Variants in MAST3 observed in about 807,000 individuals in gnomAD.
The protein encoded by MAST3 is microtubule-associated serine/threonine-protein kinase 3.
MAST3 carries 43 observed loss-of-function variants against 127.0 expected under a neutral mutation model. The ratio of observed to expected loss-of-function variants is 0.34; its 90% confidence interval spans 0.27 to 0.44. The LOEUF is 0.44. Ranked by LOEUF, MAST3 falls within the 20% of genes least tolerant of loss-of-function variation. The pLI is 1.00. For missense variants in MAST3, 1,390 were observed against 1,919.1 expected, an observed-to-expected ratio of 0.72 and a Z score of 5.15; for synonymous variants, 785 against 809.2, an observed-to-expected ratio of 0.97 and a Z score of 0.51.
At chr19:18,103,212 C>A (rs145513003) in intron 1 of MAST3, among the ~76,000 whole-genome samples, 1 of 151,934 alleles carries the variant, frequency 6.6e-6, no homozygotes, top group Non-Finnish European at 1.5e-5. Context: ...AGGGAGCTGC[C>A]GATTTTGCCT....
chr19:18,128,769 G>A, intron 12 of MAST3, 97 bp from the exon 13 acceptor site: 1 of 932,624 alleles, frequency 1.1e-6, no homozygotes, highest in South Asian at 1.3e-5. Context: ...GGAGGAGGTA[G>A]CATCGGGCAC....
chr19:18,107,229 C>T (rs2038150578), intron 1 of MAST3, among the ~76,000 whole-genome samples: 1 of 152,094 alleles, frequency 6.6e-6, no homozygotes, highest in Non-Finnish European at 1.5e-5. Context: ...TCCCAAAGTA[C>T]TGAGATCACA....
chr19:18,123,301 C>T lies in MAST3; in HGVS notation c.484C>T (p.Arg162Cys), dbSNP rs765332712. 16 of 1,613,768 alleles carry T rather than the reference C, an allele frequency of 9.9e-6. No individual in the cohort carries two copies. Among genetic ancestry groups the T allele is most frequent in the African/African-American group, 2.7e-5 (2 of 74,920 alleles). The change falls in exon 7 of 28, where the codon CGC becomes TGC. Residue 162 changes from arginine (R) to cysteine (C), a missense_variant. By Grantham distance (180) the Arg-to-Cys change is radical (BLOSUM62 -3). Around this residue, in one of 5 missense-constraint regions of MAST3, gnomAD observed 277 missense variants for 384.8 expected, o/e 0.72. Transcript: ENST00000687212. ...GCTGCACTTCCTGTCCAAGCACTTC[C>T]GCAGCTCAGAGAATGTGCTTGATGA... ...DELHFLSKHF[R>C]SSENVLDEEG... is the part of the protein sequence containing the mutation.
chr19:18,124,852 T>C, intron 11 of MAST3, 78 bp downstream of exon 11: 1 of 1,477,928 alleles, frequency 6.8e-7, no homozygotes, highest in Non-Finnish European at 9.0e-7. Context: ...ACACCTTTAA[T>C]ACCAGCACTT....
At chr19:18,131,390 C>G (rs567451178) in intron 14 of MAST3, among the ~76,000 whole-genome samples, 1 of 95,082 alleles carries the variant, frequency 1.1e-5, no homozygotes, top group East Asian at 2.5e-4. Context: ...GACTCTGTCT[C>G]AAAAAAATAA....
rs772484481 is a variant in MAST3 at position 18,144,445 on chromosome 19, C to T, written c.2585-21C>T. 2 of 1,541,944 alleles carry T rather than the reference C, an allele frequency of 1.3e-6. No individual in the cohort carries two copies. The highest frequency in any genetic ancestry group is 2.4e-5 in the South Asian group (2 of 84,430). On this transcript the variant is annotated intron_variant, in intron 22 of 27. Coordinates refer to ENST00000687212, the MANE Select transcript of MAST3 (RefSeq NM_001393504.1). This position sits in a 1 kb window ranked among gnomAD's most constrained non-coding sequence, Gnocchi z 4.0. Reference sequence around the variant, plus strand: ...CATGGTGAGTTTGAGGGGCACCCAGCTGACCCTGCTGACCCTCTAGCCGAC... The same window carrying T: ...CATGGTGAGTTTGAGGGGCACCCAGTTGACCCTGCTGACCCTCTAGCCGAC...
rs1297352765 is a variant in MAST3, at chr19:18,149,540, C to T, written c.3858C>T (p.Leu1286=). 5 of 1,564,992 alleles carry T rather than the reference C, an allele frequency of 3.2e-6. No individual in the cohort carries two copies. Among genetic ancestry groups the T allele is most frequent in the African/African-American group, 1.4e-5 (1 of 73,616 alleles). Reference sequence around the variant, plus strand: ...GCACTCGTGGGCCAGAGGCCGAGCTCGTGGTCATGCGGCGGCTGCACCTGT... The same window carrying T: ...GCACTCGTGGGCCAGAGGCCGAGCTTGTGGTCATGCGGCGGCTGCACCTGT... ...GRRTRGPEAE[L]VVMRRLHLSE... is the part of the protein sequence containing the mutation. Residue 1286 remains leucine (L), a synonymous_variant, in exon 28 of 28, where the codon CTC becomes CTT. Transcript: ENST00000687212. This position sits in a 1 kb window ranked among gnomAD's most constrained non-coding sequence, Gnocchi z 5.9.
At chr19:18,137,413 A>G in intron 19 of MAST3, 52 bp downstream of exon 19, 1 of 1,577,910 alleles carries the variant, frequency 6.3e-7, no homozygotes, top group Non-Finnish European at 8.6e-7. Context: ...GCCATCCCTC[A>G]GTCCCTGGGG....
chr19:18,138,963 T>G, intron 19 of MAST3, 52 bp from the exon 20 acceptor site: 1,149 of 1,229,472 alleles, frequency 9.3e-4, no homozygotes, highest in Non-Finnish European at 1.2e-3. Flanking sequence ...ACACCGCCCT[T>G]GAGATCATCT....
At chr19:18,140,329 A>G (rs1422764267) in intron 20 of MAST3, among the ~76,000 whole-genome samples, 1 of 151,810 alleles carries the variant, frequency 6.6e-6, no homozygotes, top group Non-Finnish European at 1.5e-5. Context: ...CAGTAAGCTG[A>G]GATCACAGCG....
intron 27 of MAST3, 97 bp downstream of exon 27, chr19:18,147,721 C>A: frequency 1.2e-6 from 1 of 866,828 alleles, no homozygotes; most frequent in Non-Finnish European, 1.7e-6. Flanking sequence ...TGGAATGACA[C>A]GATGTAGGGA....
At position 18,132,057 on chromosome 19, in the gene MAST3, GC is replaced by G. The variant is rs760014257; in HGVS notation, c.1571+11del. The G allele has an allele frequency of 3.6e-5, 58 of 1,613,846 alleles. No homozygotes were observed. The highest frequency in any genetic ancestry group is 4.7e-5 in the Non-Finnish European group (56 of 1,179,910). ...ACCTCAAACCAGACAAGTGAGCTGA[GC>G]TAGCATGAGCGGGGCCTCGCGGAGG... is the stretch of plus-strand genomic sequence containing the variant. On this transcript the variant is annotated intron_variant, in intron 15 of 27. Coordinates refer to ENST00000687212, the MANE Select transcript of MAST3 (RefSeq NM_001393504.1).
chr19:18,124,526 G>A (rs956792154), intron 10 of MAST3, 116 bp from the exon 11 acceptor site: 45 of 1,407,556 alleles, frequency 3.2e-5, no homozygotes, highest in African/African-American at 1.7e-4. Flanking sequence ...AGGAGGCAGC[G>A]GGAGTGGAGA....
intron 5 of MAST3, among the ~76,000 whole-genome samples, 190 bp from the exon 6 acceptor site, chr19:18,122,483 T>A (rs1164402541): frequency 6.6e-6 from 1 of 151,940 alleles, no homozygotes; most frequent in Non-Finnish European, 1.5e-5. Flanking sequence ...CGGGGGGGCT[T>A]CCTGGAAGAG....
At chr19:18,102,145 G>A (rs1381272803) in intron 1 of MAST3, among the ~76,000 whole-genome samples, 1 of 151,718 alleles carries the variant, frequency 6.6e-6, no homozygotes, top group Non-Finnish European at 1.5e-5. Context: ...CTCTCAAAGT[G>A]CTGAGATTAC....
At chr19:18,146,739 A>T in intron 25 of MAST3, 142 bp from the exon 26 acceptor site, 1 of 692,870 alleles carries the variant, frequency 1.4e-6, no homozygotes, top group Non-Finnish European at 2.4e-6. Context: ...TATATTGGGT[A>T]GGTCACTGGT....
intron 3 of MAST3, among the ~76,000 whole-genome samples, chr19:18,114,038 C>T (rs1004404437): frequency 1.3e-5 from 2 of 152,310 alleles, no homozygotes; most frequent in Non-Finnish European, 2.9e-5. Flanking sequence ...GCTCTGTTCC[C>T]TCCTTTCTTC....
intron 21 of MAST3, among the ~76,000 whole-genome samples, chr19:18,142,347 C>CTTTTT (rs776007010): frequency 9.8e-5 from 12 of 122,200 alleles, no homozygotes; most frequent in East Asian, 2.2e-4. Flanking sequence ...GGAAGCTGGC[C>CTTTTT]TTTTTTTTTT....
chr19:18,149,455 G>C lies in MAST3; in HGVS notation c.3773G>C (p.Arg1258Pro). ...PAPARSPRLRRGQSADKLGTG... is the reference protein window; with the variant it reads ...PAPARSPRLRPGQSADKLGTG... ...CCTGCCCGATCCCCGCGGCTGCGCC[G>C]GGGCCAGTCAGCTGACAAGCTGGGC... The change falls in exon 28 of 28, where the codon CGG (arginine) becomes CCG (proline). Residue 1258 changes from arginine (R) to proline (P), a missense_variant. Coordinates refer to ENST00000687212, the MANE Select transcript of MAST3 (RefSeq NM_001393504.1). This position sits in a 1 kb window ranked among gnomAD's most constrained non-coding sequence, Gnocchi z 5.9. The C allele has an allele frequency of 6.5e-7, 1 of 1,534,184 alleles. No individual in the cohort carries two copies. Among genetic ancestry groups the C allele is most frequent in the Non-Finnish European group, 8.8e-7 (1 of 1,141,790 alleles).
Sources: allele counts gnomAD v4.1 joint callset (sites outside exome capture counted in the v4.1 genomes callset), GRCh38; gene constraint gnomAD v4.1.1; regional missense constraint gnomAD v4.1.1; non-coding constraint Gnocchi (gnomAD v3.1); transcripts MANE v1.5; gene names NCBI Gene and HGNC (gene_info 2026-07-23, HGNC 2026-07-21).